Variants in TPM1 observed in about 807,000 individuals in gnomAD.
TPM1 encodes the protein tropomyosin alpha-1 chain.
TPM1 carries 24 observed loss-of-function variants against 42.9 expected under a neutral mutation model. The observed-to-expected ratio is 0.56, with a 90% CI of 0.41 to 0.79. TPM1 has a LOEUF of 0.79. Among genes scored for constraint, TPM1 ranks in the 30% least tolerant of loss-of-function variants. The pLI is 0.00. For missense variants in TPM1, 158 were observed against 351.8 expected (o/e 0.45, Z 4.41); for synonymous variants, 136 against 130.1 (o/e 1.05, Z -0.31).
chr15:63,057,882 C>T (rs773526704), intron 3 of TPM1, among the ~76,000 whole-genome samples: 13 of 152,134 alleles, frequency 8.5e-5, no homozygotes, highest in Non-Finnish European at 1.5e-4. Flanking sequence ...GGTGAGAGAG[C>T]GTTCTGCCGC....
At chr15:63,043,564 G>A (rs966247759) in intron 1 of TPM1, 11 of 1,338,592 alleles carry the variant, frequency 8.2e-6, no homozygotes, top group African/African-American at 1.4e-5. Flanking sequence ...CGGGTAAAGA[G>A]GAAGTTACCT....
downstream of TPM1, among the ~76,000 whole-genome samples, chr15:63,069,454 G>T (rs1037639124): frequency 1.3e-5 from 2 of 152,172 alleles, no homozygotes; most frequent in African/African-American, 4.8e-5. Context: ...TTTCACTTAA[G>T]TTCAACACTG....
At chr15:63,068,059 T>C (rs1034278617), downstream of TPM1, among the ~76,000 whole-genome samples, 3 of 152,300 alleles carry the variant, frequency 2.0e-5, no homozygotes, top group African/African-American at 7.2e-5. Context: ...TGGCCAAACA[T>C]TTGGGCTCAG....
At chr15:63,044,004 T>C in intron 1 of TPM1, 23 bp from the exon 2 acceptor site, 1 of 1,557,480 alleles carries the variant, frequency 6.4e-7, no homozygotes. Context: ...CCTCCCTCCC[T>C]GTACCCCCTG....
downstream of TPM1, chr15:63,070,181 C>T (rs2036527770): frequency 7.6e-6 from 10 of 1,311,922 alleles, no homozygotes; most frequent in South Asian, 1.4e-4. Flanking sequence ...ATCAATTCAG[C>T]ACTGCTCCTT....
chr15:63,051,536 G>GT (rs60450234), intron 2 of TPM1, among the ~76,000 whole-genome samples: 41 of 148,068 alleles, frequency 2.8e-4, no homozygotes, highest in East Asian at 7.9e-4. Flanking sequence ...TGTCATCAGT[G>GT]TTTTTTTTTT....
chr15:63,045,896 T>G (rs989645928), intron 2 of TPM1: 4 of 152,198 alleles, frequency 2.6e-5, no homozygotes, highest in Non-Finnish European at 5.9e-5. Flanking sequence ...ATATGGCTTT[T>G]TTGATAGTGT....
chr15:63,068,587 T>C (rs1001650783), downstream of TPM1, among the ~76,000 whole-genome samples: 1 of 152,134 alleles, frequency 6.6e-6, no homozygotes, highest in African/African-American at 2.4e-5. Flanking sequence ...TCATGAAGTA[T>C]TTTTAGGTCC....
chr15:63,065,005 C>A (rs148521916), intron 9 of TPM1: 62 of 985,266 alleles, frequency 6.3e-5, no homozygotes, highest in South Asian at 4.7e-5. Context: ...GAACCCTCTG[C>A]TGAGTAACCA....
downstream of TPM1, chr15:63,070,471 A>G (rs1231504058): frequency 3.0e-6 from 3 of 994,748 alleles, no homozygotes; most frequent in Non-Finnish European, 3.6e-6. Flanking sequence ...TCTGAAAGGT[A>G]TGCTTTACTC....
downstream of TPM1, chr15:63,070,088 G>A (rs2036521789): frequency 6.5e-7 from 1 of 1,528,620 alleles, no homozygotes; most frequent in Admixed American, 2.0e-5. Context: ...TGAAAGGCTG[G>A]CCTTGCCTGC....
At chr15:63,070,080 A>T, downstream of TPM1, 1 of 1,538,870 alleles carries the variant, frequency 6.5e-7, no homozygotes, top group Non-Finnish European at 8.8e-7. Flanking sequence ...GAATTGGCTG[A>T]AAGGCTGGCC....
Position 63,042,893 on chromosome 15 carries a change from G to A in TPM1, c.64G>A (p.Ala22Thr), listed in dbSNP as rs397516382. Residue 22 changes from alanine to threonine, a missense_variant, in exon 1 of 10, where the codon GCT (alanine) becomes ACT (threonine). Ala to Thr is a moderately conservative substitution (Grantham distance 58, BLOSUM62 0). Coordinates refer to ENST00000403994, the MANE Select transcript of TPM1 (RefSeq NM_001018005.2). ...KLDKENALDR[A>T]EQAEADKKAA... Reference sequence around the variant, plus strand: ...CGACAAGGAGAACGCCTTGGATCGAGCTGAGCAGGCGGAGGCCGACAAGAA... The same window carrying A: ...CGACAAGGAGAACGCCTTGGATCGAACTGAGCAGGCGGAGGCCGACAAGAA... 1.9e-6 allele frequency: 3 copies of A among 1,612,694 alleles called. No individual in the cohort carries two copies. Among genetic ancestry groups the A allele is most frequent in the African/African-American group, 2.7e-5 (2 of 75,038 alleles).
chr15:63,066,773 T>C (rs904957366), downstream of TPM1, among the ~76,000 whole-genome samples: 1 of 152,262 alleles, frequency 6.6e-6, no homozygotes, highest in Admixed American at 6.5e-5. Flanking sequence ...TTACTCTGTT[T>C]AGTCGTGATT....
In TPM1 at chr15:63,059,548, T is replaced by C; in HGVS notation, c.375-15T>C. The C allele has an allele frequency of 6.2e-7, 1 of 1,601,472 alleles. No homozygotes were observed. The highest frequency in any genetic ancestry group is 8.5e-7 in the Non-Finnish European group (1 of 1,171,124). On this transcript the variant is annotated splice_polypyrimidine_tract_variant and intron_variant, in intron 3 of 9. Transcript: ENST00000403994. ...GCTCTAAATCTTGGGTTTTCTTGCT[T>C]GTCTTTCTTTTCAGAGGCATGAAAG...
At chr15:63,049,394 A>G (rs767341344) in intron 2 of TPM1, 12 of 152,334 alleles carry the variant, frequency 7.9e-5, no homozygotes, top group Non-Finnish European at 1.6e-4. Context: ...AGTTGGCGAA[A>G]TGTCAACAGT....
At chr15:63,069,312 T>C (rs527724521), downstream of TPM1, among the ~76,000 whole-genome samples, 9 of 152,274 alleles carry the variant, frequency 5.9e-5, no homozygotes, top group Admixed American at 5.9e-4. Context: ...GAGACTTAAT[T>C]CCAAATTTCA....
intron 2 of TPM1, among the ~76,000 whole-genome samples, chr15:63,051,552 C>T (rs1260784399): frequency 6.6e-6 from 1 of 151,838 alleles, no homozygotes; most frequent in African/African-American, 2.4e-5. Flanking sequence ...TTTTTTCCCC[C>T]CTTTCCTTAC....
rs1329856322 is a variant in TPM1 at position 63,042,962 on chromosome 15, C to T, written c.114+19C>T. 4 of 1,574,468 alleles carry T rather than the reference C, an allele frequency of 2.5e-6. No homozygotes were observed. Among genetic ancestry groups the T allele is most frequent in the Middle Eastern group, 1.7e-4 (1 of 5,976 alleles). Reference sequence around the variant, plus strand: ...CAAGCAGGTCTGCGCCTCCCCGGCCCTGCGCCCGCGCCCAGAGCGCCGGGA... The same window carrying T: ...CAAGCAGGTCTGCGCCTCCCCGGCCTTGCGCCCGCGCCCAGAGCGCCGGGA... On this transcript the variant is annotated intron_variant, in intron 1 of 9. Transcript: ENST00000403994.
Sources: allele counts gnomAD v4.1 joint callset (sites outside exome capture counted in the v4.1 genomes callset), GRCh38; gene constraint gnomAD v4.1.1; transcripts MANE v1.5; gene names NCBI Gene and HGNC (gene_info 2026-07-23, HGNC 2026-07-21).